Variants in KIF26B observed in about 807,000 individuals in gnomAD.
The protein encoded by KIF26B is kinesin-like protein KIF26B.
Under a neutral mutation model 151.2 loss-of-function variants are expected in KIF26B, and 63 were observed. The observed-to-expected ratio is 0.42, with a 90% CI of 0.34 to 0.51. The LOEUF (loss-of-function observed/expected upper bound fraction) is 0.51. KIF26B is among the 20% of genes least tolerant of loss of function. KIF26B has a pLI of 0.07. For missense variants in KIF26B, 2,813 were observed against 2,913.6 expected, an observed-to-expected ratio of 0.97 and a Z score of 0.79; for synonymous variants, 1,357 against 1,262.1, an observed-to-expected ratio of 1.08 and a Z score of -1.59.
rs1033401294 is a variant in KIF26B at position 245,204,669 on chromosome 1, T to C, written c.465+47986T>C. On this transcript the variant is annotated intron_variant, in intron 2 of 14. Transcript: ENST00000407071. The stretch of plus-strand genomic sequence containing the variant: ...GATTACAGGCGTGAGCCACCACGCC[T>C]GGCTGTTGTAAGGATCTCTTAAATT... Among the ~76,000 whole-genome samples the C allele has an allele frequency of 2.0e-5, 3 of 152,248 alleles. No individual in the cohort carries two copies. The South Asian group carries it at 6.2e-4, about 32-fold the overall frequency.
intron 2 of KIF26B, among the ~76,000 whole-genome samples, chr1:245,265,180 T>C (rs1333347442): frequency 5.8e-5 from 7 of 120,252 alleles, no homozygotes; most frequent in African/African-American, 2.0e-4. Context: ...CCAGTCTGGG[T>C]GACACAGTGA....
Position 245,512,963 on chromosome 1 carries a change from C to A in KIF26B, c.1167-27804C>A, listed in dbSNP as rs1255575439. ...CAGTTCTCATCCTTGTTTTGGGTTCCCTGTTAAAGCAGATACCAGTTATAG... is the reference window on the plus strand; with the variant it reads ...CAGTTCTCATCCTTGTTTTGGGTTCACTGTTAAAGCAGATACCAGTTATAG... On this transcript the variant is annotated intron_variant, in intron 4 of 14. Coordinates refer to ENST00000407071, the MANE Select transcript of KIF26B (RefSeq NM_018012.4). This position sits in a 1 kb window ranked among gnomAD's most constrained non-coding sequence, Gnocchi z 4.3. 6.6e-6 allele frequency among the ~76,000 whole-genome samples: 1 copy of A among 152,102 alleles called. No individual in the cohort carries two copies. Among genetic ancestry groups the A allele is most frequent in the African/African-American group, 2.4e-5 (1 of 41,414 alleles).
Position 245,156,622 on chromosome 1 carries a change from G to A in KIF26B, c.404G>A (p.Arg135His). The A allele has an allele frequency of 6.6e-7, 1 of 1,524,294 alleles. No individual in the cohort carries two copies. The allele number at this position is 1,524,294 out of a possible 1,614,324, so 94.4% of individuals were successfully genotyped here. A position where few individuals can be genotyped will look rare whatever the true frequency, so the allele number is the denominator to read the frequency against. Residue 135 changes from arginine to histidine, a missense_variant, in exon 2 of 15, where the codon CGC becomes CAC. By Grantham distance (29) the Arg-to-His change is conservative. Around this residue, in one of 3 missense-constraint regions of KIF26B, gnomAD observed 676 missense variants for 688.1 expected, o/e 0.98. Coordinates refer to ENST00000407071, the MANE Select transcript of KIF26B (RefSeq NM_018012.4). ...GTCTGGTGCGAGAACTGCAACGCCC[G>A]CCTGGTGGAGCTCAAGAGGCAGGCC... ...RGVWCENCNA[R>H]LVELKRQALR...
intron 4 of KIF26B, among the ~76,000 whole-genome samples, chr1:245,529,156 C>G (rs566939894): frequency 3.9e-4 from 60 of 152,242 alleles, no homozygotes; most frequent in African/African-American, 1.4e-3. Context: ...CTGTGAAGAT[C>G]GGTTGCAGTG....
chr1:245,638,956 T>G (rs182387658), intron 9 of KIF26B, among the ~76,000 whole-genome samples: 156 of 151,788 alleles, frequency 1.0e-3, no homozygotes, highest in African/African-American at 3.5e-3. Flanking sequence ...TTTGTTATCT[T>G]TGGCTTTGGA....
chr1:245,276,473 G>A (rs1294060210), intron 2 of KIF26B, among the ~76,000 whole-genome samples: 1 of 152,200 alleles, frequency 6.6e-6, no homozygotes, highest in Non-Finnish European at 1.5e-5. Flanking sequence ...TGACAAATAA[G>A]TACATGCTGA....
chr1:245,675,986 G>A (rs2147945080), intron 10 of KIF26B, among the ~76,000 whole-genome samples: 1 of 152,204 alleles, frequency 6.6e-6, no homozygotes, highest in Non-Finnish European at 1.5e-5. Flanking sequence ...GATATGGTAA[G>A]TTCTCCCAAG....
intron 2 of KIF26B, among the ~76,000 whole-genome samples, chr1:245,161,294 A>C (rs925729931): frequency 1.3e-5 from 2 of 152,220 alleles, no homozygotes; most frequent in Non-Finnish European, 2.9e-5. Flanking sequence ...ATGGCAGTTC[A>C]TTCTACCAGA....
intron 2 of KIF26B, among the ~76,000 whole-genome samples, chr1:245,169,362 T>TGTGTGTGTGTGTGCGC (rs879260509): frequency 7.3e-5 from 11 of 151,092 alleles, no homozygotes; most frequent in Middle Eastern, 3.4e-3. Context: ...TGTGTGTGTG[T>TGTGTGTGTGTGTGCGC]GCGCGCAAGC....
chr1:245,179,772 G>A (rs113825541), intron 2 of KIF26B, among the ~76,000 whole-genome samples: 1,639 of 152,340 alleles, frequency 0.011, 14 homozygotes, highest in Middle Eastern at 0.037. Context: ...AATCCAGGAG[G>A]TGTCAGAAAG....
At chr1:245,467,633 G>A (rs1478886831) in intron 4 of KIF26B, among the ~76,000 whole-genome samples, 5 of 152,170 alleles carry the variant, frequency 3.3e-5, no homozygotes, top group African/African-American at 7.2e-5. Context: ...GGTGGCTCAT[G>A]CCTGTAATCT....
At chr1:245,547,585 C>CAA (rs56218217) in intron 5 of KIF26B, among the ~76,000 whole-genome samples, 33,028 of 113,214 alleles carry the variant, frequency 0.29, 4,613 homozygotes, top group East Asian at 0.4. Flanking sequence ...GACTCCATCT[C>CAA]AAAAAAAAAA....
intron 4 of KIF26B, among the ~76,000 whole-genome samples, chr1:245,466,651 C>T (rs958155760): frequency 6.6e-6 from 1 of 152,208 alleles, no homozygotes; most frequent in Non-Finnish European, 1.5e-5. Flanking sequence ...TCCGGCTGGG[C>T]GTGGTGGCTC....
At chr1:245,510,902 A>G in intron 4 of KIF26B, 1 of 590,120 alleles carries the variant, frequency 1.7e-6, no homozygotes, top group South Asian at 2.2e-5. Context: ...CTGGAATCAC[A>G]AGAATGTTTC....
At chr1:245,543,194 G>A (rs895066742) in intron 5 of KIF26B, among the ~76,000 whole-genome samples, 1 of 152,106 alleles carries the variant, frequency 6.6e-6, no homozygotes, top group African/African-American at 2.4e-5. Context: ...GGACATCAGG[G>A]TGCCAAGGCC....
chr1:245,286,428 G>A (rs978139851), intron 2 of KIF26B, among the ~76,000 whole-genome samples: 1 of 152,004 alleles, frequency 6.6e-6, no homozygotes, highest in African/African-American at 2.4e-5. Flanking sequence ...TGTAATCCCA[G>A]CTACCCAGTT....
rs1673680916 is a variant in KIF26B, at chr1:245,390,943, A to AAAAAAAAAACAAAACAAAAC, written c.999+23586_999+23587insAAAACAAAACAAAAAAAAAC. Among the ~76,000 whole-genome samples the AAAAAAAAAACAAAACAAAAC allele has an allele frequency of 7.8e-4, 92 of 118,444 alleles. 2 individuals are homozygous for AAAAAAAAAACAAAACAAAAC. Among genetic ancestry groups the AAAAAAAAAACAAAACAAAAC allele is most frequent in the East Asian group, 2.0e-3 (7 of 3,496 alleles). 77.7% of individuals were successfully genotyped at this position (118,444 alleles called of 152,430 possible). Reference sequence around the variant, plus strand: ...TCTCAAAAAAAAAAAAAAAAAAAAAAAAAAAAAAACCACCATAAAATTTTG... The same window carrying AAAAAAAAAACAAAACAAAAC: ...TCTCAAAAAAAAAAAAAAAAAAAAAAAAAAAAAAACAAAACAAAACAAAAAAAAACCACCATAAAATTTTG... On this transcript the variant is annotated intron_variant, in intron 3 of 14. Coordinates refer to ENST00000407071, the MANE Select transcript of KIF26B (RefSeq NM_018012.4).
In KIF26B at chr1:245,706,904, G is replaced by C. The variant is rs1245303872; in HGVS notation, c.*4298G>C. ...GTAAATGGGTCTCAAATTTTGGTGG[G>C]GGCAGTGTTTCTTTGGATTCTGATA... On this transcript the variant is annotated 3_prime_UTR_variant, in exon 15 of 15. Transcript: ENST00000407071. The C allele has an allele frequency of 1.3e-5, 2 of 152,134 alleles. No individual in the cohort carries two copies. Among genetic ancestry groups the C allele is most frequent in the Non-Finnish European group, 2.9e-5 (2 of 68,024 alleles). The allele number at this position is 152,134 out of a possible 1,614,324, so 9.4% of individuals were successfully genotyped here.
At chr1:245,308,389 G>T (rs1418638229) in intron 2 of KIF26B, among the ~76,000 whole-genome samples, 1 of 152,208 alleles carries the variant, frequency 6.6e-6, no homozygotes, top group Non-Finnish European at 1.5e-5. Flanking sequence ...ATGACAAGGT[G>T]CTAGGTAGTG....
Sources: allele counts gnomAD v4.1 joint callset (sites outside exome capture counted in the v4.1 genomes callset), GRCh38; gene constraint gnomAD v4.1.1; regional missense constraint gnomAD v4.1.1; non-coding constraint Gnocchi (gnomAD v3.1); transcripts MANE v1.5; gene names NCBI Gene and HGNC (gene_info 2026-07-23, HGNC 2026-07-21).